The following TNFRSF11A variants were observed in gnomAD, a reference collection of about 807,000 sequenced individuals.
TNFRSF11A encodes tumor necrosis factor receptor superfamily member 11A.
TNFRSF11A carries 32 observed loss-of-function variants against 55.7 expected under a neutral mutation model. The observed-to-expected ratio is 0.57, with a 90% CI of 0.43 to 0.77. TNFRSF11A has a LOEUF of 0.77. TNFRSF11A is among the 30% of genes least tolerant of loss of function. The pLI is 0.00. For synonymous variants in TNFRSF11A, 311 were observed against 331.0 expected (o/e 0.94, Z 0.65); for missense variants, 753 against 809.8 (o/e 0.93, Z 0.85).
intron 6 of TNFRSF11A, among the ~76,000 whole-genome samples, chr18:62,360,353 G>A (rs1201227952): frequency 6.6e-6 from 1 of 152,104 alleles, no homozygotes; most frequent in African/African-American, 2.4e-5. Context: ...CACAAGTGAG[G>A]GTGTCTATGA....
chr18:62,353,165 G>A (rs770993658), intron 3 of TNFRSF11A, among the ~76,000 whole-genome samples: 9 of 152,172 alleles, frequency 5.9e-5, no homozygotes, highest in Non-Finnish European at 1.0e-4. Context: ...GGATTACAGG[G>A]TGAGGTTCCT....
chr18:62,337,199 A>T (rs1277189464), intron 1 of TNFRSF11A, among the ~76,000 whole-genome samples: 1 of 152,202 alleles, frequency 6.6e-6, no homozygotes, highest in African/African-American at 2.4e-5. Context: ...TTCTGTGCAT[A>T]CTATATATTC....
At chr18:62,347,541 G>A (rs996153826) in intron 1 of TNFRSF11A, among the ~76,000 whole-genome samples, 1 of 152,208 alleles carries the variant, frequency 6.6e-6, no homozygotes, top group Admixed American at 6.5e-5. Context: ...GCAACAGGTA[G>A]TGAGGGCAGA....
At position 62,349,835 on chromosome 18, in the gene TNFRSF11A, A is replaced by G. The variant is rs1329983213; in HGVS notation, c.181A>G (p.Thr61Ala). ...AGGAAAGTACATGTCTTCTAAATGC[A>G]CTACTACCTCTGACAGTGTATGTCT... ...EPGKYMSSKC[T>A]TTSDSVCLPC... The change falls in exon 3 of 10, where the codon ACT (threonine) becomes GCT (alanine). Residue 61 changes from threonine to alanine, a missense_variant. Thr to Ala is a moderately conservative substitution (Grantham distance 58). Transcript: ENST00000586569. 1.2e-6 allele frequency: 2 copies of G among 1,614,094 alleles called. No homozygotes were observed. The highest frequency in any genetic ancestry group is 1.7e-6 in the Non-Finnish European group (2 of 1,180,000).
intron 5 of TNFRSF11A, 92 bp downstream of exon 5, chr18:62,358,433 G>A (rs775793012): frequency 1.5e-4 from 190 of 1,262,676 alleles, no homozygotes; most frequent in Non-Finnish European, 2.1e-4. Flanking sequence ...GACGGATTCT[G>A]TTGGGTTAGG....
intron 9 of TNFRSF11A, among the ~76,000 whole-genome samples, chr18:62,379,290 GC>G (rs936227387): frequency 8.5e-5 from 13 of 152,142 alleles, no homozygotes; most frequent in Non-Finnish European, 7.3e-5. Flanking sequence ...GCTGACTGAA[GC>G]CCATAGCACA....
intron 1 of TNFRSF11A, among the ~76,000 whole-genome samples, chr18:62,340,650 TA>T (rs2046298658): frequency 6.6e-6 from 1 of 152,230 alleles, no homozygotes; most frequent in African/African-American, 2.4e-5. Flanking sequence ...GAGCTATGTG[TA>T]AAATATATTT....
Position 62,383,383 on chromosome 18 carries a change from G to A in TNFRSF11A, c.1568-1368G>A, listed in dbSNP as rs987046410. Reference sequence around the variant, plus strand: ...ATTTTAGTCAGGCCATCCAAAACATGCCTTCCAAATTCGAGGAAAATCTCG... The same window carrying A: ...ATTTTAGTCAGGCCATCCAAAACATACCTTCCAAATTCGAGGAAAATCTCG... On this transcript the variant is annotated intron_variant, in intron 9 of 9. Transcript: ENST00000586569. This position sits in a 1 kb window ranked among gnomAD's most constrained non-coding sequence, Gnocchi z 4.2. 1.3e-5 allele frequency among the ~76,000 whole-genome samples: 2 copies of A among 152,168 alleles called. No individual in the cohort carries two copies. The highest frequency in any genetic ancestry group is 2.9e-5 in the Non-Finnish European group (2 of 68,046).
chr18:62,365,687 C>G (rs1159261319), intron 7 of TNFRSF11A, among the ~76,000 whole-genome samples: 2 of 152,220 alleles, frequency 1.3e-5, no homozygotes, highest in Non-Finnish European at 2.9e-5. Flanking sequence ...TGACAGCCCC[C>G]AAATGTGCCC....
chr18:62,355,813 A>G (rs1192622207), intron 4 of TNFRSF11A, among the ~76,000 whole-genome samples: 2 of 152,240 alleles, frequency 1.3e-5, no homozygotes, highest in East Asian at 3.8e-4. Flanking sequence ...AACAGCATTC[A>G]ACATCAATTC....
Position 62,387,755 on chromosome 18 carries a change from A to G in TNFRSF11A, c.*2721A>G, listed in dbSNP as rs1911834420. The stretch of plus-strand genomic sequence containing the variant: ...AAGAGCAGTTTGAATGTGTTAGATC[A>G]GAACCTTCATGTGGTGGGGAAAATG... On this transcript the variant is annotated 3_prime_UTR_variant, in exon 10 of 10. Coordinates refer to ENST00000586569, the MANE Select transcript of TNFRSF11A (RefSeq NM_003839.4). 1 of 152,274 alleles carries G rather than the reference A, an allele frequency of 6.6e-6. No homozygotes were observed. The highest frequency in any genetic ancestry group is 2.4e-5 in the African/African-American group (1 of 41,460). The allele number at this position is 152,274 out of a possible 1,614,324, so 9.4% of individuals were successfully genotyped here. A position where few individuals can be genotyped will look rare whatever the true frequency, so the allele number is the denominator to read the frequency against.
chr18:62,358,409 C>T, intron 5 of TNFRSF11A, 68 bp downstream of exon 5: 1 of 1,466,152 alleles, frequency 6.8e-7, no homozygotes, highest in Non-Finnish European at 9.5e-7. Context: ...ACTGTCTCGT[C>T]TGGGTTGAAA....
chr18:62,360,085 G>A (rs1263436514), intron 6 of TNFRSF11A, 36 bp downstream of exon 6: 9 of 1,585,416 alleles, frequency 5.7e-6, no homozygotes, highest in South Asian at 1.1e-5. Context: ...TGATAGATGT[G>A]CCCCAGGGTG....
At position 62,351,403 on chromosome 18, in the gene TNFRSF11A, T is replaced by C. The variant is rs557248386; in HGVS notation, c.283+1466T>C. 2.2e-4 allele frequency among the ~76,000 whole-genome samples: 34 copies of C among 152,350 alleles called. 1 individual carries two copies. The South Asian group carries it at 5.2e-3, about 23-fold the overall frequency. On this transcript the variant is annotated intron_variant, in intron 3 of 9. Transcript: ENST00000586569. ...TCTGCTTTGTTTTTTGTTTTGTTTG[T>C]GGCAAACTTCATATATAATATAGTT...
chr18:62,355,459 T>A (rs1306186157), intron 4 of TNFRSF11A, among the ~76,000 whole-genome samples: 3 of 152,132 alleles, frequency 2.0e-5, no homozygotes, highest in Non-Finnish European at 4.4e-5. Context: ...GTATTTTTGG[T>A]AGAGATGGGG....
At chr18:62,327,307 G>A (rs2046090280) in intron 1 of TNFRSF11A, among the ~76,000 whole-genome samples, 1 of 152,140 alleles carries the variant, frequency 6.6e-6, no homozygotes, top group Non-Finnish European at 1.5e-5. Context: ...AGAGTTCAGA[G>A]AAACCTCTGC....
Position 62,371,726 on chromosome 18 carries a change from G to T in TNFRSF11A, c.1567+2242G>T, listed in dbSNP as rs190084607. ...ATTCTCTCCACAATTACTTCTCCAT[G>T]AACAGGCCTTATGGTTTCTGGTCAA... On this transcript the variant is annotated intron_variant, in intron 9 of 9. Transcript: ENST00000586569. Among the ~76,000 whole-genome samples, 786 of 152,330 alleles carry T rather than the reference G, an allele frequency of 5.2e-3. 4 individuals are homozygous for T. The highest frequency in any genetic ancestry group is 9.2e-3 in the Admixed American group (141 of 15,308).
At chr18:62,360,259 C>T (rs1017368147) in intron 6 of TNFRSF11A, among the ~76,000 whole-genome samples, 4 of 151,954 alleles carry the variant, frequency 2.6e-5, no homozygotes, top group African/African-American at 7.3e-5. Context: ...TTGGGGGTAA[C>T]TAATAATGTT....
chr18:62,358,347 TA>T lies in TNFRSF11A; in HGVS notation c.521+8del. On this transcript the variant is annotated splice_region_variant and intron_variant, in intron 5 of 9. Coordinates refer to ENST00000586569, the MANE Select transcript of TNFRSF11A (RefSeq NM_003839.4). ...AAATGCAGACCCTGGACCAAGTAAG[TA>T]ACAACAAAGGAGTCAGAAGAGATGG... The T allele has an allele frequency of 3.1e-6, 5 of 1,612,564 alleles. No individual in the cohort carries two copies. The highest frequency in any genetic ancestry group is 2.5e-6 in the Non-Finnish European group (3 of 1,178,996).
Sources: allele counts gnomAD v4.1 joint callset (sites outside exome capture counted in the v4.1 genomes callset), GRCh38; gene constraint gnomAD v4.1.1; non-coding constraint Gnocchi (gnomAD v3.1); transcripts MANE v1.5; gene names NCBI Gene and HGNC (gene_info 2026-07-23, HGNC 2026-07-21).